The following UBE2E2 variants were observed in gnomAD, a reference collection of about 807,000 sequenced individuals.
UBE2E2 encodes the protein ubiquitin conjugating enzyme E2 E2, also known as ubiquitin-conjugating enzyme E2 E2.
UBE2E2 carries 6 observed loss-of-function variants against 24.7 expected under a neutral mutation model. The observed-to-expected ratio is 0.24, with a 90% CI of 0.13 to 0.48. The LOEUF is 0.48. Among genes scored for constraint, UBE2E2 ranks in the 20% least tolerant of loss-of-function variants. The pLI is 0.99. For missense variants in UBE2E2, 169 were observed against 245.0 expected (o/e 0.69, Z 2.07); for synonymous variants, 104 against 83.6 (o/e 1.24, Z -1.33).
chr3:23,286,291 A>G (rs1197001047), intron 3 of UBE2E2, among the ~76,000 whole-genome samples: 1 of 151,964 alleles, frequency 6.6e-6, no homozygotes, highest in Non-Finnish European at 1.5e-5. Flanking sequence ...TTTATTTTTC[A>G]TGGTATAATA....
At chr3:23,353,873 T>C (rs1313371962) in intron 3 of UBE2E2, among the ~76,000 whole-genome samples, 4 of 152,076 alleles carry the variant, frequency 2.6e-5, no homozygotes, top group African/African-American at 9.7e-5. Context: ...CTTCACAGAA[T>C]TGGAAAACAC....
intron 3 of UBE2E2, among the ~76,000 whole-genome samples, chr3:23,487,830 A>G (rs1699409531): frequency 6.6e-6 from 1 of 152,144 alleles, no homozygotes; most frequent in Admixed American, 6.5e-5. Flanking sequence ...TTCAACAAGC[A>G]TTTATTAAGT....
At chr3:23,242,604 G>T (rs562078161) in intron 3 of UBE2E2, among the ~76,000 whole-genome samples, 60 of 152,018 alleles carry the variant, frequency 3.9e-4, no homozygotes, top group African/African-American at 1.4e-3. Context: ...TTGACAGTAT[G>T]GAGCACTTTG....
At chr3:23,470,322 C>G (rs1448912297) in intron 3 of UBE2E2, among the ~76,000 whole-genome samples, 1 of 152,168 alleles carries the variant, frequency 6.6e-6, no homozygotes, top group Non-Finnish European at 1.5e-5. Flanking sequence ...AAGATCCTCC[C>G]CCCAATCCGG....
At chr3:23,438,630 T>C (rs972498305) in intron 3 of UBE2E2, among the ~76,000 whole-genome samples, 8 of 152,216 alleles carry the variant, frequency 5.3e-5, no homozygotes, top group African/African-American at 1.9e-4. Flanking sequence ...GTGTTCTTTC[T>C]TGAGTAATAA....
intron 4 of UBE2E2, among the ~76,000 whole-genome samples, chr3:23,522,621 C>CAAGCA (rs374293320): frequency 0.023 from 3,541 of 152,114 alleles, 78 homozygotes; most frequent in Middle Eastern, 0.058. Context: ...GCATGCCAAA[C>CAAGCA]AAGCATTGAT....
chr3:23,507,750 C>A (rs1378437012), intron 4 of UBE2E2, among the ~76,000 whole-genome samples: 1 of 152,182 alleles, frequency 6.6e-6, no homozygotes, highest in Non-Finnish European at 1.5e-5. Flanking sequence ...AATTATATCA[C>A]ATTATTCTCC....
chr3:23,350,961 A>G (rs1158291668), intron 3 of UBE2E2, among the ~76,000 whole-genome samples: 5 of 152,212 alleles, frequency 3.3e-5, no homozygotes, highest in Non-Finnish European at 5.9e-5. Flanking sequence ...GAAATGAAGG[A>G]AAAAATGTTA....
chr3:23,276,925 A>G (rs1361596945), intron 3 of UBE2E2, among the ~76,000 whole-genome samples: 1 of 152,016 alleles, frequency 6.6e-6, no homozygotes, highest in Admixed American at 6.5e-5. Context: ...GGAAGAGGAA[A>G]AACTTTTTTT....
chr3:23,396,298 A>ATT (rs1365956855), intron 3 of UBE2E2, among the ~76,000 whole-genome samples: 7 of 122,010 alleles, frequency 5.7e-5, no homozygotes, highest in African/African-American at 1.8e-4. Flanking sequence ...TCAAGCATTT[A>ATT]TTTTTTATAT....
chr3:23,285,645 A>G (rs1385377700), intron 3 of UBE2E2, among the ~76,000 whole-genome samples: 1 of 152,184 alleles, frequency 6.6e-6, no homozygotes, highest in Non-Finnish European at 1.5e-5. Context: ...GCACTCTTTC[A>G]TATGGCTGTT....
intron 3 of UBE2E2, among the ~76,000 whole-genome samples, chr3:23,267,380 C>G (rs1698079740): frequency 6.6e-6 from 1 of 152,210 alleles, no homozygotes; most frequent in South Asian, 2.1e-4. Context: ...GATGTCACCA[C>G]TGATCCCACA....
At chr3:23,466,105 A>T (rs760925716) in intron 3 of UBE2E2, among the ~76,000 whole-genome samples, 3 of 152,242 alleles carry the variant, frequency 2.0e-5, no homozygotes, top group African/African-American at 7.2e-5. Flanking sequence ...TGGTAGTACA[A>T]TATAAACATT....
intron 3 of UBE2E2, among the ~76,000 whole-genome samples, chr3:23,420,893 CA>C (rs1283446564): frequency 1.3e-5 from 2 of 152,048 alleles, no homozygotes; most frequent in Non-Finnish European, 2.9e-5. Context: ...GGGTTAAGAA[CA>C]GAGTAAAGAT....
intron 3 of UBE2E2, among the ~76,000 whole-genome samples, chr3:23,379,125 A>C (rs1197917417): frequency 6.6e-6 from 1 of 152,184 alleles, no homozygotes; most frequent in African/African-American, 2.4e-5. Flanking sequence ...AATGTCTGTG[A>C]TCAAAGTACT....
At chr3:23,507,993 A>G (rs1400557064) in intron 4 of UBE2E2, among the ~76,000 whole-genome samples, 2 of 152,200 alleles carry the variant, frequency 1.3e-5, no homozygotes, top group African/African-American at 2.4e-5. Flanking sequence ...TAAAGAAGTT[A>G]CTTCACATTT....
At chr3:23,252,896 T>C (rs1416119770) in intron 3 of UBE2E2, among the ~76,000 whole-genome samples, 1 of 152,224 alleles carries the variant, frequency 6.6e-6, no homozygotes, top group Non-Finnish European at 1.5e-5. Flanking sequence ...TGTATTTTAC[T>C]TTCATATCTA....
chr3:23,564,539 C>G (rs1000521575), intron 5 of UBE2E2, among the ~76,000 whole-genome samples: 4 of 152,144 alleles, frequency 2.6e-5, no homozygotes, highest in African/African-American at 9.7e-5. Flanking sequence ...GCCCACCACA[C>G]AAGCATTTTA....
At chr3:23,347,275 T>G (rs1695585824) in intron 3 of UBE2E2, among the ~76,000 whole-genome samples, 2 of 152,236 alleles carry the variant, frequency 1.3e-5, no homozygotes, top group South Asian at 4.1e-4. Flanking sequence ...GTGGCACTAT[T>G]CGCAGTAGCA....
Sources: gnomAD v4.1 joint callset for allele counts (sites outside exome capture counted in the v4.1 genomes callset) on GRCh38, gnomAD v4.1.1 for gene constraint, MANE v1.5 for transcripts, NCBI Gene and HGNC (gene_info 2026-07-23, HGNC 2026-07-21) for gene names.